The following TTBK2 variants were observed in gnomAD, a reference collection of about 807,000 sequenced individuals.
TTBK2 encodes tau tubulin kinase 2.
TTBK2 carries 28 observed loss-of-function variants against 110.8 expected under a neutral mutation model. That is an observed-to-expected ratio of 0.25 (90% CI 0.19 to 0.35). The LOEUF is 0.35. Ranked by LOEUF, TTBK2 falls within the 10% of genes least tolerant of loss-of-function variation. The pLI is 1.00. For synonymous variants in TTBK2, 532 were observed against 527.3 expected (o/e 1.01, Z -0.12); for missense variants, 1,369 against 1,500.3 (o/e 0.91, Z 1.45).
intron 1 of TTBK2, among the ~76,000 whole-genome samples, chr15:42,917,431 G>A (rs1900054974): frequency 6.6e-6 from 1 of 152,034 alleles, no homozygotes; most frequent in Non-Finnish European, 1.5e-5. Context: ...ATTTCAATCT[G>A]TATTATAAAC....
chr15:42,768,121 TAA>T (rs1258480889), intron 13 of TTBK2, among the ~76,000 whole-genome samples: 1 of 152,152 alleles, frequency 6.6e-6, no homozygotes, highest in African/African-American at 2.4e-5. Flanking sequence ...CTCAAAATAA[TAA>T]GAGTTATTTA....
At chr15:42,799,197 G>T (rs770433342) in intron 9 of TTBK2, among the ~76,000 whole-genome samples, 1 of 151,888 alleles carries the variant, frequency 6.6e-6, no homozygotes, top group Non-Finnish European at 1.5e-5. Context: ...GTGAAACCCC[G>T]TCTCTACTAA....
chr15:42,766,035 G>C (rs1248656520), intron 13 of TTBK2, among the ~76,000 whole-genome samples: 1 of 152,078 alleles, frequency 6.6e-6, no homozygotes. Context: ...CATAAGTGAA[G>C]GAGAAATAAA....
In TTBK2 at chr15:42,745,762, T is replaced by G. The variant is rs149561490; in HGVS notation, c.*33A>C. The G allele has an allele frequency of 1.9e-4, 312 of 1,612,026 alleles. 1 individual carries two copies. In the East Asian group the frequency reaches 6.9e-3, roughly 36 times the overall value. Reference sequence around the variant, plus strand: ...ACATGCATCAGGTTTAGGAGGAAGATCTCACACCTTTCAAAGAGATGCAGC... The same window carrying G: ...ACATGCATCAGGTTTAGGAGGAAGAGCTCACACCTTTCAAAGAGATGCAGC... On this transcript the variant is annotated 3_prime_UTR_variant, in exon 15 of 15. Transcript: ENST00000267890.
intron 6 of TTBK2, among the ~76,000 whole-genome samples, chr15:42,820,716 T>C (rs1275337883): frequency 2.7e-5 from 4 of 148,842 alleles, no homozygotes; most frequent in Non-Finnish European, 5.9e-5. Flanking sequence ...AAAAAAGGGG[T>C]CGGGCCAGGC....
At chr15:42,908,618 T>G (rs1392435806) in intron 1 of TTBK2, among the ~76,000 whole-genome samples, 2 of 152,226 alleles carry the variant, frequency 1.3e-5, no homozygotes, top group Non-Finnish European at 2.9e-5. Flanking sequence ...ACACCTCTAG[T>G]AGGAATATAC....
rs917564904 is a variant in TTBK2 at position 42,742,815 on chromosome 15, A to G, written c.*2980T>C. ...GATAGAATAACCAAATTGGTTTAAA[A>G]TTACTTGATCTATGTCACTGAAACC... is the stretch of plus-strand genomic sequence containing the variant. On this transcript the variant is annotated 3_prime_UTR_variant, in exon 15 of 15. Coordinates refer to ENST00000267890, the MANE Select transcript of TTBK2 (RefSeq NM_173500.4). 3 of 152,336 alleles carry G rather than the reference A, an allele frequency of 2.0e-5. No homozygotes were observed. Among genetic ancestry groups the G allele is most frequent in the African/African-American group, 7.2e-5 (3 of 41,582 alleles). 9.4% of individuals were successfully genotyped at this position (152,336 alleles called of 1,614,324 possible).
intron 11 of TTBK2, among the ~76,000 whole-genome samples, chr15:42,779,234 T>C (rs2140782435): frequency 6.6e-6 from 1 of 151,938 alleles, no homozygotes; most frequent in Non-Finnish European, 1.5e-5. Flanking sequence ...TAAAACCCTG[T>C]CTCTAATAAA....
chr15:42,912,104 G>C (rs185395941), intron 1 of TTBK2, among the ~76,000 whole-genome samples: 2 of 152,318 alleles, frequency 1.3e-5, no homozygotes, highest in African/African-American at 4.8e-5. Context: ...TGGTCTACGT[G>C]AAAAGGGTGC....
At chr15:42,837,070 G>C (rs75576181) in intron 4 of TTBK2, among the ~76,000 whole-genome samples, 2,469 of 152,200 alleles carry the variant, frequency 0.016, 66 homozygotes, top group African/African-American at 0.056. Context: ...GATCTAAAAA[G>C]GTTCAGAGGC....
chr15:42,910,206 T>C (rs1596050508), intron 1 of TTBK2, among the ~76,000 whole-genome samples: 1 of 151,576 alleles, frequency 6.6e-6, no homozygotes, highest in East Asian at 1.9e-4. Context: ...AGACATAGAA[T>C]AGATTAGGCA....
In TTBK2 at chr15:42,810,659, T is replaced by G. The variant is rs1891668659; in HGVS notation, c.777A>C (p.Leu259=). 1.2e-6 allele frequency: 2 copies of G among 1,613,928 alleles called. No individual in the cohort carries two copies. Among genetic ancestry groups the G allele is most frequent in the Admixed American group, 1.7e-5 (1 of 59,996 alleles). ...KHLPPEFSIF[L]DHISSLDYFT... ...AATAATCCAAAGAAGAGATATGGTC[T>G]AGAAAGATGCTGAATTCTGGAGGGA... is the stretch of plus-strand genomic sequence containing the variant. The change falls in exon 9 of 15, where the codon CTA becomes CTC. Residue 259 remains leucine, a synonymous_variant. Coordinates refer to ENST00000267890, the MANE Select transcript of TTBK2 (RefSeq NM_173500.4).
chr15:42,762,454 A>C (rs1173782088), intron 13 of TTBK2, among the ~76,000 whole-genome samples: 7 of 152,232 alleles, frequency 4.6e-5, no homozygotes, highest in Non-Finnish European at 7.3e-5. Flanking sequence ...ACGGTGGCTC[A>C]TGCCTGTAAT....
intron 3 of TTBK2, among the ~76,000 whole-genome samples, chr15:42,846,600 T>A (rs1893477021): frequency 6.6e-6 from 1 of 152,264 alleles, no homozygotes; most frequent in African/African-American, 2.4e-5. Flanking sequence ...TCTCTGTCCC[T>A]GGTACTTGTC....
intron 3 of TTBK2, among the ~76,000 whole-genome samples, chr15:42,861,762 T>C (rs1567065060): frequency 1.3e-5 from 2 of 151,812 alleles, no homozygotes; most frequent in South Asian, 2.1e-4. Flanking sequence ...TTGAACAAAA[T>C]TGAGACACAA....
intron 3 of TTBK2, among the ~76,000 whole-genome samples, chr15:42,849,266 T>C (rs1248692882): frequency 2.6e-5 from 4 of 152,180 alleles, no homozygotes; most frequent in African/African-American, 9.7e-5. Context: ...TTGAGCCCAT[T>C]CAGTGAGTTT....
chr15:42,918,720 A>G (rs566450968), intron 1 of TTBK2, among the ~76,000 whole-genome samples: 4 of 152,318 alleles, frequency 2.6e-5, no homozygotes, highest in African/African-American at 9.6e-5. Flanking sequence ...GAAGCCCCAC[A>G]TAATTGAGTT....
chr15:42,830,101 T>G (rs781755705), intron 4 of TTBK2, 23 bp from the exon 5 acceptor site: 17 of 1,613,726 alleles, frequency 1.1e-5, no homozygotes, highest in Non-Finnish European at 1.3e-5. Context: ...AATAAACACT[T>G]TCAAATACAG....
rs1445486274 is a variant in TTBK2 at position 42,811,710 on chromosome 15, G to A, written c.674C>T (p.Pro225Leu). The A allele has an allele frequency of 2.5e-6, 4 of 1,613,228 alleles. No homozygotes were observed. The highest frequency in any genetic ancestry group is 2.7e-5 in the African/African-American group (2 of 74,792). ...MLVEFVVGQL[P>L]WRKIKDKEQV... Reference sequence around the variant, plus strand: ...TACCTTGTCCTTTATTTTTCTCCAGGGCAGCTGACCAACCACAAACTCCAC... The same window carrying A: ...TACCTTGTCCTTTATTTTTCTCCAGAGCAGCTGACCAACCACAAACTCCAC... The change falls in exon 8 of 15, where the codon CCC (proline) becomes CTC (leucine). Residue 225 changes from proline to leucine, a missense_variant. Pro to Leu is a moderately conservative substitution (Grantham distance 98). Coordinates refer to ENST00000267890, the MANE Select transcript of TTBK2 (RefSeq NM_173500.4).
Sources: gnomAD v4.1 joint callset for allele counts (sites outside exome capture counted in the v4.1 genomes callset) on GRCh38, gnomAD v4.1.1 for gene constraint, MANE v1.5 for transcripts, NCBI Gene and HGNC (gene_info 2026-07-23, HGNC 2026-07-21) for gene names.